Variants in PLA2G4A observed in about 807,000 individuals in gnomAD.
PLA2G4A encodes the protein cytosolic phospholipase A2.
A neutral mutation model predicts 81.9 loss-of-function variants in PLA2G4A; 40 were observed. That is an observed-to-expected ratio of 0.49 (90% CI 0.38 to 0.64). PLA2G4A has a LOEUF of 0.64. Among genes scored for constraint, PLA2G4A ranks in the 30% least tolerant of loss-of-function variants. The probability of loss-of-function intolerance (pLI) is 0.00; values close to 1 mark genes in which losing one functional copy is unlikely to be tolerated. For synonymous variants in PLA2G4A, 302 were observed against 296.9 expected, an observed-to-expected ratio of 1.02 and a Z score of -0.18; for missense variants, 715 against 905.1, an observed-to-expected ratio of 0.79 and a Z score of 2.69.
chr1:186,971,398 A>T (rs958731955), intron 15 of PLA2G4A, among the ~76,000 whole-genome samples: 1 of 151,932 alleles, frequency 6.6e-6, no homozygotes, highest in African/African-American at 2.4e-5. Flanking sequence ...TGTGTTTTAA[A>T]ATCATTTTGT....
intron 1 of PLA2G4A, among the ~76,000 whole-genome samples, chr1:186,836,998 C>T (rs1558345687): frequency 6.6e-6 from 1 of 151,990 alleles, no homozygotes; most frequent in South Asian, 2.1e-4. Flanking sequence ...GCAAGGCTCA[C>T]GCTAGAGTTC....
At chr1:186,902,429 C>A (rs1290058622) in intron 5 of PLA2G4A, among the ~76,000 whole-genome samples, 1 of 152,158 alleles carries the variant, frequency 6.6e-6, no homozygotes, top group Admixed American at 6.5e-5. Context: ...ATCTCTCCCA[C>A]TCTAGTTCCA....
chr1:186,887,842 A>G (rs1653990119), intron 3 of PLA2G4A, among the ~76,000 whole-genome samples: 1 of 152,174 alleles, frequency 6.6e-6, no homozygotes, highest in Non-Finnish European at 1.5e-5. Context: ...CTACCATGCC[A>G]GTGATGGTTA....
At chr1:186,853,397 T>C (rs1652444823) in intron 1 of PLA2G4A, among the ~76,000 whole-genome samples, 1 of 151,906 alleles carries the variant, frequency 6.6e-6, no homozygotes, top group African/African-American at 2.4e-5. Context: ...CAGTTTTTGT[T>C]TGTGACAATG....
At chr1:186,869,275 A>G (rs1008746988) in intron 2 of PLA2G4A, among the ~76,000 whole-genome samples, 1 of 152,148 alleles carries the variant, frequency 6.6e-6, no homozygotes, top group Non-Finnish European at 1.5e-5. Flanking sequence ...TCATTTATGT[A>G]TAATAAAACT....
chr1:186,938,564 T>C (rs1656035162), intron 8 of PLA2G4A, among the ~76,000 whole-genome samples: 1 of 152,150 alleles, frequency 6.6e-6, no homozygotes, highest in Admixed American at 6.5e-5. Flanking sequence ...TTACAATAGT[T>C]GGGACAACAT....
intron 2 of PLA2G4A, among the ~76,000 whole-genome samples, chr1:186,855,218 A>T (rs530077611): frequency 6.6e-6 from 1 of 152,030 alleles, no homozygotes; most frequent in Non-Finnish European, 1.5e-5. Flanking sequence ...GGTCTAATTA[A>T]TTGGCTTCTT....
At chr1:186,903,626 A>G (rs1316926759) in intron 5 of PLA2G4A, among the ~76,000 whole-genome samples, 2 of 152,178 alleles carry the variant, frequency 1.3e-5, no homozygotes, top group Non-Finnish European at 2.9e-5. Context: ...ATTGTGAACT[A>G]CAAGTGTGAA....
At chr1:186,880,642 T>C (rs535255255) in intron 3 of PLA2G4A, among the ~76,000 whole-genome samples, 1 of 152,184 alleles carries the variant, frequency 6.6e-6, no homozygotes, top group African/African-American at 2.4e-5. Flanking sequence ...GAATAATTTT[T>C]CTTGCCTACA....
chr1:186,882,463 C>A (rs1322789173), intron 3 of PLA2G4A, among the ~76,000 whole-genome samples: 1 of 152,108 alleles, frequency 6.6e-6, no homozygotes, highest in African/African-American at 2.4e-5. Flanking sequence ...CAGCAAAGAT[C>A]TGTTAGAATG....
chr1:186,909,118 C>A (rs1302158763), intron 6 of PLA2G4A, among the ~76,000 whole-genome samples: 1 of 150,294 alleles, frequency 6.7e-6, no homozygotes, highest in Non-Finnish European at 1.5e-5. Context: ...GGACTACAGG[C>A]GCCAGCCACC....
intron 15 of PLA2G4A, among the ~76,000 whole-genome samples, chr1:186,976,458 GTAAGCACTGTTT>G (rs2102293875): frequency 6.6e-6 from 1 of 151,914 alleles, no homozygotes; most frequent in African/African-American, 2.4e-5. Context: ...TTAATATGTA[GTAAGCACTGTTT>G]TAAGCACTGT....
At chr1:186,988,312 T>A in intron 17 of PLA2G4A, 65 bp from the exon 18 acceptor site, 1 of 1,242,740 alleles carries the variant, frequency 8.0e-7, no homozygotes, top group Non-Finnish European at 1.1e-6. Context: ...ATTTTTATTT[T>A]AATAAAAAAT....
intron 5 of PLA2G4A, among the ~76,000 whole-genome samples, chr1:186,904,933 C>T (rs1654681128): frequency 6.6e-6 from 1 of 152,142 alleles, no homozygotes; most frequent in African/African-American, 2.4e-5. Flanking sequence ...CAGCTCACTG[C>T]AACCTCCGCC....
rs769459521 is a variant in PLA2G4A, at chr1:186,911,245, C to T, written c.417-3C>T. On this transcript the variant is annotated splice_region_variant and splice_polypyrimidine_tract_variant and intron_variant, in intron 6 of 17. Transcript: ENST00000367466. The stretch of plus-strand genomic sequence containing the variant: ...TCATGACTTTATCTGTTTGGTATTA[C>T]AGCTCATGCCCAGACCTACGATTTA... 3 of 1,612,744 alleles carry T rather than the reference C, an allele frequency of 1.9e-6. No homozygotes were observed. The highest frequency in any genetic ancestry group is 2.5e-6 in the Non-Finnish European group (3 of 1,178,866).
At chr1:186,899,207 A>G (rs988547122) in intron 5 of PLA2G4A, among the ~76,000 whole-genome samples, 1 of 152,176 alleles carries the variant, frequency 6.6e-6, no homozygotes, top group African/African-American at 2.4e-5. Context: ...ATCTTTGAGG[A>G]TATCTGAGGA....
At chr1:186,936,953 T>G (rs1296045110) in intron 8 of PLA2G4A, among the ~76,000 whole-genome samples, 1 of 151,786 alleles carries the variant, frequency 6.6e-6, no homozygotes, top group Non-Finnish European at 1.5e-5. Context: ...GATGGTATAA[T>G]TGGGAAACAT....
intron 2 of PLA2G4A, among the ~76,000 whole-genome samples, chr1:186,859,393 C>T (rs1376722672): frequency 6.6e-6 from 1 of 151,814 alleles, no homozygotes; most frequent in African/African-American, 2.4e-5. Context: ...TTTTTTTGAC[C>T]AGGAGCCATG....
chr1:186,902,109 A>G (rs555752148), intron 5 of PLA2G4A, among the ~76,000 whole-genome samples: 19 of 152,320 alleles, frequency 1.2e-4, no homozygotes, highest in African/African-American at 4.3e-4. Flanking sequence ...GCAAGCCTGT[A>G]TAGCACGTTA....
Sources: gnomAD v4.1 joint callset for allele counts (sites outside exome capture counted in the v4.1 genomes callset) on GRCh38, gnomAD v4.1.1 for gene constraint, MANE v1.5 for transcripts, NCBI Gene and HGNC (gene_info 2026-07-23, HGNC 2026-07-21) for gene names.